The following PRKAR2A variants were observed in gnomAD, a reference collection of about 807,000 sequenced individuals.
PRKAR2A encodes the protein protein kinase cAMP-dependent type II regulatory subunit alpha.
PRKAR2A carries 29 observed loss-of-function variants against 51.9 expected under a neutral mutation model. That is an observed-to-expected ratio of 0.56 (90% confidence interval 0.42 to 0.76). The LOEUF (loss-of-function observed/expected upper bound fraction) is 0.76, where lower values mean the gene tolerates loss of function less well. Among genes scored for constraint, PRKAR2A ranks in the 30% least tolerant of loss-of-function variants. PRKAR2A has a pLI of 0.00. For synonymous variants in PRKAR2A, 178 were observed against 186.2 expected (o/e 0.96, Z 0.36); for missense variants, 445 against 512.1 (o/e 0.87, Z 1.26).
In PRKAR2A at chr3:48,751,589, T is replaced by C. The variant is rs762405819; in HGVS notation, c.1211A>G (p.Gln404Arg). Residue 404 changes from glutamine (Q) to arginine (R), a missense_variant, in exon 11 of 11, where the codon CAG becomes CGG. By Grantham distance (43) the Gln-to-Arg change is conservative (BLOSUM62 1). Coordinates refer to ENST00000265563, the MANE Select transcript of PRKAR2A (RefSeq NM_004157.4). ...GSSVDLGNLG[Q>R] is the part of the protein sequence containing the mutation. ...AGGCTCTGGGGTGTGGCACACCTAC[T>C]GCCCGAGGTTGCCCAGATCCACGCT... is the stretch of plus-strand genomic sequence containing the variant. The C allele has an allele frequency of 1.2e-6, 2 of 1,611,230 alleles. No individual in the cohort carries two copies. The highest frequency in any genetic ancestry group is 4.5e-5 in the East Asian group (2 of 44,790).
At chr3:48,805,013 G>T (rs1344628852) in intron 2 of PRKAR2A, among the ~76,000 whole-genome samples, 1 of 152,066 alleles carries the variant, frequency 6.6e-6, no homozygotes, top group African/African-American at 2.4e-5. Context: ...CCAGGCTCAA[G>T]CAATCTTCTT....
chr3:48,788,653 G>A (rs981531852), intron 4 of PRKAR2A, among the ~76,000 whole-genome samples: 4 of 152,152 alleles, frequency 2.6e-5, no homozygotes, highest in Admixed American at 6.6e-5. Flanking sequence ...ACATGATCAT[G>A]AATGGGATTA....
intron 1 of PRKAR2A, among the ~76,000 whole-genome samples, chr3:48,825,769 C>G (rs988909369): frequency 2.0e-5 from 3 of 152,116 alleles, no homozygotes; most frequent in African/African-American, 7.2e-5. Context: ...ACATCTGGCC[C>G]CTAATTTCAG....
chr3:48,771,546 G>T (rs2082028633), intron 6 of PRKAR2A, among the ~76,000 whole-genome samples: 2 of 152,200 alleles, frequency 1.3e-5, no homozygotes, highest in Admixed American at 1.3e-4. Flanking sequence ...ATTGTAGTTA[G>T]AGAACACATT....
chr3:48,752,840 G>A lies in PRKAR2A; in HGVS notation c.940-523C>T, dbSNP rs2081675482. Among the ~76,000 whole-genome samples, 4 of 148,550 alleles carry A rather than the reference G, an allele frequency of 2.7e-5. No individual in the cohort carries two copies. In the South Asian group the frequency reaches 8.8e-4, roughly 33 times the overall value. ...GGCCTCCCAAAGTGCTCGGATTACA[G>A]GAGTGATTCACTGCTCCTGGCCAAC... is the stretch of plus-strand genomic sequence containing the variant. On this transcript the variant is annotated intron_variant, in intron 9 of 10. Transcript: ENST00000265563.
chr3:48,816,381 C>A (rs947282768), intron 1 of PRKAR2A, among the ~76,000 whole-genome samples: 1 of 152,100 alleles, frequency 6.6e-6, no homozygotes, highest in African/African-American at 2.4e-5. Context: ...CAGCACATGG[C>A]GGATTAAAAT....
At chr3:48,809,595 C>CAAAA (rs57623385) in intron 1 of PRKAR2A, among the ~76,000 whole-genome samples, 3 of 49,338 alleles carry the variant, frequency 6.1e-5, no homozygotes, top group Non-Finnish European at 9.9e-5. Context: ...GACTCCATCT[C>CAAAA]AAAAAAAAAA....
At chr3:48,752,391 C>T in intron 9 of PRKAR2A, 74 bp from the exon 10 acceptor site, 1 of 1,476,790 alleles carries the variant, frequency 6.8e-7, no homozygotes, top group Non-Finnish European at 9.2e-7. Flanking sequence ...CACACACATA[C>T]ACTGTTCTCA....
intron 8 of PRKAR2A, among the ~76,000 whole-genome samples, chr3:48,761,609 TTTTA>T (rs2081864056): frequency 6.6e-6 from 1 of 152,132 alleles, no homozygotes; most frequent in African/African-American, 2.4e-5. Flanking sequence ...TACTGAAAGT[TTTTA>T]TTTATTTATT....
rs1346546268 is a variant in PRKAR2A, at chr3:48,746,707, T to C, written c.*4878A>G. 1 of 152,250 alleles carries C rather than the reference T, an allele frequency of 6.6e-6. No homozygotes were observed. Among genetic ancestry groups the C allele is most frequent in the Non-Finnish European group, 1.5e-5 (1 of 68,050 alleles). The allele number at this position is 152,250 out of a possible 1,614,324, so 9.4% of individuals were successfully genotyped here. A position where few individuals can be genotyped will look rare whatever the true frequency, so the allele number is the denominator to read the frequency against. ...GACTTAATTCTTAATGACTGTTCAT[T>C]ATATGTTTAACACCACAGAGCAAGA... is the stretch of plus-strand genomic sequence containing the variant. On this transcript the variant is annotated 3_prime_UTR_variant, in exon 11 of 11. Transcript: ENST00000265563.
chr3:48,752,422 G>C (rs1228601940), intron 9 of PRKAR2A, 105 bp from the exon 10 acceptor site: 24 of 1,232,388 alleles, frequency 1.9e-5, no homozygotes, highest in Admixed American at 2.5e-5. Flanking sequence ...CACAATTACT[G>C]AGGAATTCAC....
chr3:48,830,416 T>A (rs2083169658), intron 1 of PRKAR2A, among the ~76,000 whole-genome samples: 1 of 152,168 alleles, frequency 6.6e-6, no homozygotes, highest in Non-Finnish European at 1.5e-5. Context: ...TGGAATACCA[T>A]TTGAAGGACC....
At chr3:48,758,733 A>G (rs2081815625) in intron 8 of PRKAR2A, among the ~76,000 whole-genome samples, 1 of 152,056 alleles carries the variant, frequency 6.6e-6, no homozygotes. Flanking sequence ...CTGTGTGCTC[A>G]CTCCCAGCAG....
rs369351928 is a variant in PRKAR2A, at chr3:48,802,400, T to C, written c.298+5249A>G. On this transcript the variant is annotated intron_variant, in intron 2 of 10. Transcript: ENST00000265563. Reference sequence around the variant, plus strand: ...AGTGAGCAAACAACAAAGATAATTTTGGTGAGATACAGAAGCAAGAGTCTG... The same window carrying C: ...AGTGAGCAAACAACAAAGATAATTTCGGTGAGATACAGAAGCAAGAGTCTG... 5.5e-4 allele frequency among the ~76,000 whole-genome samples: 83 copies of C among 152,082 alleles called. 2 individuals are homozygous for C. In the South Asian group the frequency reaches 0.017, roughly 31 times the overall value.
intron 1 of PRKAR2A, among the ~76,000 whole-genome samples, chr3:48,825,023 CTTTTCTTT>C (rs2083036931): frequency 7.9e-6 from 1 of 127,108 alleles, no homozygotes. Flanking sequence ...TACTGATTTT[CTTTTCTTT>C]TTTTTTTTTT....
At chr3:48,755,927 C>CG (rs2081755774) in intron 9 of PRKAR2A, among the ~76,000 whole-genome samples, 1 of 151,922 alleles carries the variant, frequency 6.6e-6, no homozygotes, top group Non-Finnish European at 1.5e-5. Context: ...TACAGGCGCC[C>CG]GCCACCATGC....
intron 3 of PRKAR2A, among the ~76,000 whole-genome samples, chr3:48,791,038 C>T (rs1363293928): frequency 2.0e-5 from 3 of 152,102 alleles, no homozygotes; most frequent in Non-Finnish European, 4.4e-5. Flanking sequence ...CCTGTAATCC[C>T]AACACTTTGG....
At chr3:48,744,789 A>G (rs1033624829), downstream of PRKAR2A, 10 of 152,210 alleles carry the variant, frequency 6.6e-5, no homozygotes, top group African/African-American at 2.4e-4. Context: ...TTGTAGGTAC[A>G]GTGGGCTGTC....
At chr3:48,822,071 C>T (rs2082975361) in intron 1 of PRKAR2A, among the ~76,000 whole-genome samples, 1 of 151,604 alleles carries the variant, frequency 6.6e-6, no homozygotes, top group Non-Finnish European at 1.5e-5. Flanking sequence ...TATAGCTGGA[C>T]ATGGTGGCGC....
Sources: allele counts gnomAD v4.1 joint callset (sites outside exome capture counted in the v4.1 genomes callset), GRCh38; gene constraint gnomAD v4.1.1; transcripts MANE v1.5; gene names NCBI Gene and HGNC (gene_info 2026-07-23, HGNC 2026-07-21).